The following ADAM22 variants were observed in gnomAD, a reference collection of about 807,000 sequenced individuals.
ADAM22 encodes the protein ADAM metallopeptidase domain 22, also known as disintegrin and metalloproteinase domain-containing protein 22.
In ADAM22, 65 loss-of-function variants were observed where a neutral mutation model predicts 144.6. The ratio of observed to expected loss-of-function variants is 0.45; its 90% confidence interval spans 0.37 to 0.55. ADAM22 has a LOEUF of 0.55. Among genes scored for constraint, ADAM22 ranks in the 20% least tolerant of loss-of-function variants. ADAM22 has a pLI of 0.00. For synonymous variants in ADAM22, 391 were observed against 412.6 expected (o/e 0.95, Z 0.63); for missense variants, 974 against 1,184.9 (o/e 0.82, Z 2.61).
chr7:88,004,741 A>G lies in ADAM22; in HGVS notation c.323+26329A>G, dbSNP rs535706643. ...CAAATTTGGGAAAACCTCTGTCATA[A>G]TGCACTCTAAGATTTTATGGCATTT... On this transcript the variant is annotated intron_variant, in intron 3 of 31. Coordinates refer to ENST00000413139, the MANE Select transcript of ADAM22 (RefSeq NM_001324418.2). Among the ~76,000 whole-genome samples, 4 of 152,312 alleles carry G rather than the reference A, an allele frequency of 2.6e-5. No individual in the cohort carries two copies. The South Asian group carries it at 8.3e-4, about 32-fold the overall frequency.
chr7:87,935,536 A>C (rs1049500909), intron 2 of ADAM22, among the ~76,000 whole-genome samples: 1 of 152,108 alleles, frequency 6.6e-6, no homozygotes, highest in Non-Finnish European at 1.5e-5. Flanking sequence ...TTGAATCATC[A>C]TTGTTGTTGT....
intron 3 of ADAM22, among the ~76,000 whole-genome samples, chr7:87,981,862 G>A (rs1853527106): frequency 9.2e-6 from 1 of 108,444 alleles, no homozygotes; most frequent in Non-Finnish European, 1.9e-5. Flanking sequence ...AAATGATGAT[G>A]TTATGTGATA....
rs763582501 is a variant in ADAM22 at position 88,181,927 on chromosome 7, T to C, written c.2597-31T>C. On this transcript the variant is annotated intron_variant, in intron 28 of 31. Transcript: ENST00000413139. ...GACATAGGGCAATCACTTATTTACA[T>C]GGAAATCTAGCTCTAAACCGTCTTT... is the stretch of plus-strand genomic sequence containing the variant. 3.8e-6 allele frequency: 6 copies of C among 1,597,276 alleles called. No individual in the cohort carries two copies. The South Asian group carries it at 6.7e-5, about 18-fold the overall frequency.
chr7:88,160,398 A>G (rs879824750), intron 22 of ADAM22, among the ~76,000 whole-genome samples: 20 of 152,080 alleles, frequency 1.3e-4, no homozygotes, highest in Non-Finnish European at 2.1e-4. Context: ...AACTAGAAAA[A>G]GCTCTTAAAA....
chr7:88,018,306 T>C (rs776674951), intron 3 of ADAM22, among the ~76,000 whole-genome samples: 7 of 152,212 alleles, frequency 4.6e-5, no homozygotes, highest in African/African-American at 7.2e-5. Flanking sequence ...TTGTTTGAGA[T>C]GCCACAGTGT....
intron 3 of ADAM22, among the ~76,000 whole-genome samples, chr7:87,982,066 T>TACACACACACACACACACAC (rs376989136): frequency 3.5e-5 from 3 of 86,460 alleles, no homozygotes; most frequent in Non-Finnish European, 4.3e-5. Context: ...TATATATATA[T>TACACACACACACACACACAC]ATACACACAC....
intron 3 of ADAM22, 62 bp from the exon 4 acceptor site, chr7:88,075,564 T>A: frequency 6.9e-7 from 1 of 1,447,438 alleles, no homozygotes; most frequent in Non-Finnish European, 9.7e-7. Flanking sequence ...AACTAGATCC[T>A]GATTTTCGTG....
Position 87,978,498 on chromosome 7 carries a change from T to C in ADAM22, c.323+86T>C, listed in dbSNP as rs980880123. 2.7e-6 allele frequency: 3 copies of C among 1,128,422 alleles called. No homozygotes were observed. In the African/African-American group the frequency reaches 4.7e-5, roughly 18 times the overall value. 69.9% of individuals were successfully genotyped at this position (1,128,422 alleles called of 1,614,324 possible). ...TTGTAAAGTTTTTTCTTACTATATT[T>C]TACTTTGTCTTCCTATACCGGTTAA... On this transcript the variant is annotated intron_variant, in intron 3 of 31. Coordinates refer to ENST00000413139, the MANE Select transcript of ADAM22 (RefSeq NM_001324418.2).
chr7:88,007,868 G>A (rs1431710145), intron 3 of ADAM22, among the ~76,000 whole-genome samples: 1 of 152,174 alleles, frequency 6.6e-6, no homozygotes, highest in African/African-American at 2.4e-5. Flanking sequence ...AACACCAGAA[G>A]CAATGGCAAC....
chr7:88,162,823 T>C (rs1260429055), intron 22 of ADAM22, among the ~76,000 whole-genome samples, 189 bp from the exon 23 acceptor site: 2 of 152,128 alleles, frequency 1.3e-5, no homozygotes, highest in Non-Finnish European at 2.9e-5. Context: ...CTTTATCAAT[T>C]TCTCCAAAAG....
intron 2 of ADAM22, among the ~76,000 whole-genome samples, chr7:87,955,599 G>T (rs921377286): frequency 1.1e-4 from 16 of 152,218 alleles, no homozygotes; most frequent in African/African-American, 2.9e-4. Context: ...CACTTGAGGA[G>T]GCAGTCTGCC....
intron 3 of ADAM22, among the ~76,000 whole-genome samples, chr7:88,013,371 C>G (rs1432517648): frequency 2.0e-5 from 3 of 152,148 alleles, no homozygotes; most frequent in Non-Finnish European, 4.4e-5. Context: ...CATGCTGGAA[C>G]AGAAACTGGA....
At chr7:87,959,689 T>A (rs1239572005) in intron 2 of ADAM22, among the ~76,000 whole-genome samples, 1 of 152,198 alleles carries the variant, frequency 6.6e-6, no homozygotes, top group Non-Finnish European at 1.5e-5. Flanking sequence ...AGACAGGTGA[T>A]CTAGAAGAAA....
chr7:88,131,591 T>TA (rs1382071666), intron 11 of ADAM22, 156 bp downstream of exon 11: 2 of 627,690 alleles, frequency 3.2e-6, no homozygotes, highest in African/African-American at 3.7e-5. Flanking sequence ...ATAGATTGCT[T>TA]AAAATTGCCA....
At chr7:88,012,434 A>G (rs552152220) in intron 3 of ADAM22, among the ~76,000 whole-genome samples, 20 of 152,236 alleles carry the variant, frequency 1.3e-4, no homozygotes, top group African/African-American at 3.9e-4. Flanking sequence ...GATATATCAG[A>G]TAATAGGAGC....
chr7:88,011,702 G>A (rs1471869127), intron 3 of ADAM22, among the ~76,000 whole-genome samples: 1 of 151,534 alleles, frequency 6.6e-6, no homozygotes, highest in Admixed American at 6.6e-5. Flanking sequence ...TCTGTAAGGT[G>A]TTTCTTTCTC....
chr7:87,973,281 A>T (rs1175509416), intron 2 of ADAM22, among the ~76,000 whole-genome samples: 1 of 152,270 alleles, frequency 6.6e-6, no homozygotes, highest in Non-Finnish European at 1.5e-5. Context: ...GGCAAAGGAT[A>T]TGAACAGACA....
At chr7:88,143,998 G>A (rs1053090695) in intron 15 of ADAM22, among the ~76,000 whole-genome samples, 35 of 152,206 alleles carry the variant, frequency 2.3e-4, no homozygotes, top group African/African-American at 8.4e-4. Flanking sequence ...CCCAGAGTAA[G>A]AGAATAAGTG....
chr7:87,941,812 G>C (rs974740379), intron 2 of ADAM22, among the ~76,000 whole-genome samples: 1 of 152,126 alleles, frequency 6.6e-6, no homozygotes, highest in African/African-American at 2.4e-5. Flanking sequence ...CATCACTTCT[G>C]TATAGCTACA....
Sources: gnomAD v4.1 joint callset for allele counts (sites outside exome capture counted in the v4.1 genomes callset) on GRCh38, gnomAD v4.1.1 for gene constraint, MANE v1.5 for transcripts, NCBI Gene and HGNC (gene_info 2026-07-23, HGNC 2026-07-21) for gene names.